TMEM30B: variants seen among roughly 807,000 people sequenced by gnomAD.
TMEM30B encodes the protein cell division cycle 50 P4-ATPase accessory subunit B.
TMEM30B carries 25 observed loss-of-function variants against 27.9 expected under a neutral mutation model. That is an observed-to-expected ratio of 0.89 (90% CI 0.65 to 1.25). The LOEUF (loss-of-function observed/expected upper bound fraction) is 1.25, where lower values mean the gene tolerates loss of function less well. TMEM30B is among the 50% of genes most tolerant of loss of function. TMEM30B has a pLI of 0.00. For synonymous variants in TMEM30B, 248 were observed against 238.5 expected, an observed-to-expected ratio of 1.04 and a Z score of -0.37; for missense variants, 536 against 506.5, an observed-to-expected ratio of 1.06 and a Z score of -0.56.
In TMEM30B at chr14:61,279,877, G is replaced by A. The variant is rs1026435846; in HGVS notation, c.*215C>T. 1.7e-6 allele frequency: 1 copy of A among 572,474 alleles called. No individual in the cohort carries two copies. Among genetic ancestry groups the A allele is most frequent in the Admixed American group, 3.2e-5 (1 of 31,662 alleles). The allele number at this position is 572,474 out of a possible 1,614,324, so 35.5% of individuals were successfully genotyped here. On this transcript the variant is annotated 3_prime_UTR_variant, in exon 1 of 1. Coordinates refer to ENST00000555868, the MANE Select transcript of TMEM30B (RefSeq NM_001017970.3). ...GAAGGAGGTGGGAAGAGTTTGCAAG[G>A]ATGTTTCACTCTGCAGTCAACATCC... is the stretch of plus-strand genomic sequence containing the variant.
chr14:61,280,845 G>A lies in TMEM30B; in HGVS notation c.303C>T (p.Pro101=), dbSNP rs768045964. The change falls in exon 1 of 1, where the codon CCC becomes CCT. Residue 101 remains proline (P), a synonymous_variant. Transcript: ENST00000555868. The surrounding 1 kb of genome is among the most constrained non-coding windows in gnomAD (Gnocchi z 5.0). ...GGTACACTGGGCCCTGGAAGAGCTC[G>A]GGCAGCGAGAAGTACCAGGCGCACG... ...PCSCAWYFSL[P]ELFQGPVYLY... The A allele has an allele frequency of 6.4e-7, 1 of 1,565,774 alleles. No individual in the cohort carries two copies. Among genetic ancestry groups the A allele is most frequent in the Non-Finnish European group, 8.6e-7 (1 of 1,164,068 alleles).
chr14:61,281,084 G>T lies in TMEM30B; in HGVS notation c.64C>A (p.Arg22Ser). The T allele has an allele frequency of 6.6e-7, 1 of 1,512,358 alleles. No individual in the cohort carries two copies. Among genetic ancestry groups the T allele is most frequent in the Non-Finnish European group, 8.8e-7 (1 of 1,134,516 alleles). The allele number at this position is 1,512,358 out of a possible 1,614,324, so 93.7% of individuals were successfully genotyped here. Residue 22 changes from arginine to serine, a missense_variant, in exon 1 of 1, where the codon CGC becomes AGC. Arg to Ser is a moderately radical substitution (Grantham distance 110). Coordinates refer to ENST00000555868, the MANE Select transcript of TMEM30B (RefSeq NM_001017970.3). ...AGCAGCGGCTGCCAGGCGGGGAGGC[G>T]CTGCTGAGTGAAGGCGGTGTTGTCG... The part of the protein sequence containing the change: ...QPDNTAFTQQ[R>S]LPAWQPLLSA...
chr14:61,280,847 G>A lies in TMEM30B; in HGVS notation c.301C>T (p.Pro101Ser), dbSNP rs551001117. The change falls in exon 1 of 1, where the codon CCC (proline) becomes TCC (serine). Residue 101 changes from proline (P) to serine (S), a missense_variant. Coordinates refer to ENST00000555868, the MANE Select transcript of TMEM30B (RefSeq NM_001017970.3). This position sits in a 1 kb window ranked among gnomAD's most constrained non-coding sequence, Gnocchi z 5.0. Reference sequence around the variant, plus strand: ...TACACTGGGCCCTGGAAGAGCTCGGGCAGCGAGAAGTACCAGGCGCACGAG... The same window carrying A: ...TACACTGGGCCCTGGAAGAGCTCGGACAGCGAGAAGTACCAGGCGCACGAG... ...PCSCAWYFSL[P>S]ELFQGPVYLY... The A allele has an allele frequency of 3.2e-6, 5 of 1,565,598 alleles. No individual in the cohort carries two copies. In the East Asian group the frequency reaches 9.2e-5, roughly 29 times the overall value.
chr14:61,280,871 AGCAGGGGGGCGGCAGCGCCCGGCC>A lies in TMEM30B; in HGVS notation c.253_276del (p.Gly85_Cys92del), dbSNP rs1471982465. 10 of 1,566,852 alleles carry A rather than the reference AGCAGGGGGGCGGCAGCGCCCGGCC, an allele frequency of 6.4e-6. No homozygotes were observed. The South Asian group carries it at 1.0e-4, about 16-fold the overall frequency. On this transcript the variant is annotated inframe_deletion, in exon 1 of 1. Coordinates refer to ENST00000555868, the MANE Select transcript of TMEM30B (RefSeq NM_001017970.3). The surrounding 1 kb of genome is among the most constrained non-coding windows in gnomAD (Gnocchi z 5.0). ...GGCAGCGAGAAGTACCAGGCGCACG[AGCAGGGGGGCGGCAGCGCCCGGCC>A]CTGGCCAGCCGCGGCGCACACCGAG... is the stretch of plus-strand genomic sequence containing the variant.
rs1235399124 is a variant in TMEM30B at position 61,279,777 on chromosome 14, G to T, written c.*315C>A. 1.9e-5 allele frequency: 6 copies of T among 322,726 alleles called. No individual in the cohort carries two copies. Among genetic ancestry groups the T allele is most frequent in the Admixed American group, 1.4e-4 (3 of 21,614 alleles). 20.0% of individuals were successfully genotyped at this position (322,726 alleles called of 1,614,324 possible). A position where few individuals can be genotyped will look rare whatever the true frequency, so the allele number is the denominator to read the frequency against. On this transcript the variant is annotated 3_prime_UTR_variant, in exon 1 of 1. Coordinates refer to ENST00000555868, the MANE Select transcript of TMEM30B (RefSeq NM_001017970.3). The stretch of plus-strand genomic sequence containing the variant: ...TCTCTCAATCTCTTCCTCTAATAGG[G>T]GTTTAATAGGAGTCTCCATAGGGAT...
At position 61,281,070 on chromosome 14, in the gene TMEM30B, C is replaced by A; in HGVS notation, c.78G>T (p.Trp26Cys). The A allele has an allele frequency of 6.6e-7, 1 of 1,517,590 alleles. No individual in the cohort carries two copies. The highest frequency in any genetic ancestry group is 8.8e-7 in the Non-Finnish European group (1 of 1,136,692). 94.0% of individuals were successfully genotyped at this position (1,517,590 alleles called of 1,614,324 possible). ...CGATGCTGGCCGACAGCAGCGGCTGCCAGGCGGGGAGGCGCTGCTGAGTGA... is the reference window on the plus strand; with the variant it reads ...CGATGCTGGCCGACAGCAGCGGCTGACAGGCGGGGAGGCGCTGCTGAGTGA... The part of the protein sequence containing the change: ...TAFTQQRLPA[W>C]QPLLSASIAL... Residue 26 changes from tryptophan to cysteine, a missense_variant, in exon 1 of 1, where the codon TGG (tryptophan) becomes TGT (cysteine). By Grantham distance (215) the Trp-to-Cys change is radical (BLOSUM62 -2). Coordinates refer to ENST00000555868, the MANE Select transcript of TMEM30B (RefSeq NM_001017970.3).
chr14:61,281,076 G>A lies in TMEM30B; in HGVS notation c.72C>T (p.Pro24=), dbSNP rs1220637317. Residue 24 remains proline (P), a synonymous_variant, in exon 1 of 1, where the codon CCC becomes CCT. Coordinates refer to ENST00000555868, the MANE Select transcript of TMEM30B (RefSeq NM_001017970.3). ...DNTAFTQQRL[P]AWQPLLSASI... is the part of the protein sequence containing the mutation. ...TGGCCGACAGCAGCGGCTGCCAGGC[G>A]GGGAGGCGCTGCTGAGTGAAGGCGG... 1.3e-6 allele frequency: 2 copies of A among 1,517,460 alleles called. No individual in the cohort carries two copies. Among genetic ancestry groups the A allele is most frequent in the African/African-American group, 1.4e-5 (1 of 70,018 alleles). 94.0% of individuals were successfully genotyped at this position (1,517,460 alleles called of 1,614,324 possible).
Position 61,279,147 on chromosome 14 carries a change from C to T in TMEM30B, c.*945G>A, listed in dbSNP as rs751188257. On this transcript the variant is annotated 3_prime_UTR_variant, in exon 1 of 1. Transcript: ENST00000555868. The stretch of plus-strand genomic sequence containing the variant: ...ACTGTACAAACTGGCCTCACATTTT[C>T]GAGTTTCTACACAGTACCTGGCAAA... The T allele has an allele frequency of 2.0e-5, 3 of 152,164 alleles. No individual in the cohort carries two copies. The highest frequency in any genetic ancestry group is 2.9e-5 in the Non-Finnish European group (2 of 68,040). The allele number at this position is 152,164 out of a possible 1,614,324, so 9.4% of individuals were successfully genotyped here. A position where few individuals can be genotyped will look rare whatever the true frequency, so the allele number is the denominator to read the frequency against.
rs576016680 is a variant in TMEM30B at position 61,277,832 on chromosome 14, T to C, written c.*2260A>G. 1 of 152,344 alleles carries C rather than the reference T, an allele frequency of 6.6e-6. No homozygotes were observed. Among genetic ancestry groups the C allele is most frequent in the South Asian group, 2.1e-4 (1 of 4,832 alleles). 9.4% of individuals were successfully genotyped at this position (152,344 alleles called of 1,614,324 possible). ...AAATTCTGTTTTAGGAAGTTAACAA[T>C]GAATTGAGTTCATTTTAACTGAATG... is the stretch of plus-strand genomic sequence containing the variant. On this transcript the variant is annotated 3_prime_UTR_variant, in exon 1 of 1. Transcript: ENST00000555868.
rs2045243327 is a variant in TMEM30B, at chr14:61,280,126, C to G, written c.1022G>C (p.Arg341Pro). ...TGFVMLVVYI[R>P]YQDQDDDDEE ...GTCGTCGTCGTCCTGGTCCTGGTAG[C>G]GAATGTAGACGACCAGCATGACAAA... The change falls in exon 1 of 1, where the codon CGC (arginine) becomes CCC (proline). Residue 341 changes from arginine to proline, a missense_variant. Transcript: ENST00000555868. This position sits in a 1 kb window ranked among gnomAD's most constrained non-coding sequence, Gnocchi z 5.0. The G allele has an allele frequency of 6.2e-7, 1 of 1,613,352 alleles. No individual in the cohort carries two copies. The highest frequency in any genetic ancestry group is 1.3e-5 in the African/African-American group (1 of 74,880).
At position 61,280,365 on chromosome 14, in the gene TMEM30B, C is replaced by A; in HGVS notation, c.783G>T (p.Thr261=). The change falls in exon 1 of 1, where the codon ACG becomes ACT. Residue 261 remains threonine, a synonymous_variant. Coordinates refer to ENST00000555868, the MANE Select transcript of TMEM30B (RefSeq NM_001017970.3). The surrounding 1 kb of genome is among the most constrained non-coding windows in gnomAD (Gnocchi z 5.0). ...VVWMRTAALP[T]FRKLYARIRQ... ...GGATGCGCGCGTACAGTTTGCGGAA[C>A]GTGGGCAGCGCCGCCGTGCGCATCC... The A allele has an allele frequency of 6.2e-7, 1 of 1,613,982 alleles. No homozygotes were observed. Among genetic ancestry groups the A allele is most frequent in the Non-Finnish European group, 8.5e-7 (1 of 1,179,914 alleles).
rs1170888877 is a variant in TMEM30B, at chr14:61,279,747, C to T, written c.*345G>A. ...GCCTGATCTTTGTTACTTCACATTG[C>T]TAGGTCTCTCAATCTCTTCCTCTAA... is the stretch of plus-strand genomic sequence containing the variant. On this transcript the variant is annotated 3_prime_UTR_variant, in exon 1 of 1. Coordinates refer to ENST00000555868, the MANE Select transcript of TMEM30B (RefSeq NM_001017970.3). The T allele has an allele frequency of 4.3e-6, 1 of 235,246 alleles. No individual in the cohort carries two copies. Among genetic ancestry groups the T allele is most frequent in the Non-Finnish European group, 8.2e-6 (1 of 121,842 alleles). The allele number at this position is 235,246 out of a possible 1,614,324, so 14.6% of individuals were successfully genotyped here.
chr14:61,280,867 C>T lies in TMEM30B; in HGVS notation c.281G>A (p.Cys94Tyr). 1 of 1,567,638 alleles carries T rather than the reference C, an allele frequency of 6.4e-7. No homozygotes were observed. Among genetic ancestry groups the T allele is most frequent in the South Asian group, 1.2e-5 (1 of 85,784 alleles). The change falls in exon 1 of 1, where the codon TGC (cysteine) becomes TAC (tyrosine). Residue 94 changes from cysteine (C) to tyrosine (Y), a missense_variant. Physicochemically the swap from Cys to Tyr is radical, Grantham distance 194. Transcript: ENST00000555868. The surrounding 1 kb of genome is among the most constrained non-coding windows in gnomAD (Gnocchi z 5.0). ...QGRALPPPCS[C>Y]AWYFSLPELF... ...CTCGGGCAGCGAGAAGTACCAGGCG[C>T]ACGAGCAGGGGGGCGGCAGCGCCCG...
Position 61,281,172 on chromosome 14 carries a change from CG to C in TMEM30B, c.-26del. On this transcript the variant is annotated 5_prime_UTR_variant, in exon 1 of 1. Transcript: ENST00000555868. ...TGGCGGCCGCGCGGGGACCGACGCGCGGGCTGACCGAGTGGGGGCCCCGCCG... is the reference window on the plus strand; with the variant it reads ...TGGCGGCCGCGCGGGGACCGACGCGCGGCTGACCGAGTGGGGGCCCCGCCG... The C allele has an allele frequency of 7.8e-7, 1 of 1,284,472 alleles. No individual in the cohort carries two copies. The highest frequency in any genetic ancestry group is 9.9e-7 in the Non-Finnish European group (1 of 1,014,704). The allele number at this position is 1,284,472 out of a possible 1,614,324, so 79.6% of individuals were successfully genotyped here.
In TMEM30B at chr14:61,280,378, G is replaced by C; in HGVS notation, c.770C>G (p.Ala257Gly). The C allele has an allele frequency of 6.2e-7, 1 of 1,613,860 alleles. No homozygotes were observed. The highest frequency in any genetic ancestry group is 2.2e-5 in the East Asian group (1 of 44,882). The change falls in exon 1 of 1, where the codon GCG becomes GGG. Residue 257 changes from alanine to glycine, a missense_variant. By Grantham distance (60) the Ala-to-Gly change is moderately conservative. Transcript: ENST00000555868. This position sits in a 1 kb window ranked among gnomAD's most constrained non-coding sequence, Gnocchi z 5.0. ...CAGTTTGCGGAACGTGGGCAGCGCC[G>C]CCGTGCGCATCCACACCACGAAGTC... Reference protein sequence around the residue: ...NQDFVVWMRTAALPTFRKLYA... With the variant: ...NQDFVVWMRTGALPTFRKLYA...
rs765731527 is a variant in TMEM30B at position 61,280,653 on chromosome 14, G to A, written c.495C>T (p.Ile165=). ...AGGAGTCGTTGAAGAGGCTGTTGGCGATGGCGCCGCAGGGCGCGATGGGCA... is the reference window on the plus strand; with the variant it reads ...AGGAGTCGTTGAAGAGGCTGTTGGCAATGGCGCCGCAGGGCGCGATGGGCA... ...AGLPIAPCGA[I]ANSLFNDSFS... Residue 165 remains isoleucine (I), a synonymous_variant, in exon 1 of 1, where the codon ATC becomes ATT. Coordinates refer to ENST00000555868, the MANE Select transcript of TMEM30B (RefSeq NM_001017970.3). The surrounding 1 kb of genome is among the most constrained non-coding windows in gnomAD (Gnocchi z 5.0). 7 of 1,571,464 alleles carry A rather than the reference G, an allele frequency of 4.5e-6. No individual in the cohort carries two copies. The African/African-American group carries it at 6.8e-5, about 15-fold the overall frequency.
chr14:61,280,928 C>T lies in TMEM30B; in HGVS notation c.220G>A (p.Gly74Ser), dbSNP rs2045257604. 1 of 1,538,764 alleles carries T rather than the reference C, an allele frequency of 6.5e-7. No individual in the cohort carries two copies. Among genetic ancestry groups the T allele is most frequent in the Non-Finnish European group, 8.7e-7 (1 of 1,146,532 alleles). ...EYDYTGDPGT[G>S]NCSVCAAAGQ... ...GCCGCGGCGCACACCGAGCAGTTAC[C>T]GGTGCCCGGGTCGCCTGTATAGTCG... is the stretch of plus-strand genomic sequence containing the variant. The change falls in exon 1 of 1, where the codon GGT becomes AGT. Residue 74 changes from glycine to serine, a missense_variant. Coordinates refer to ENST00000555868, the MANE Select transcript of TMEM30B (RefSeq NM_001017970.3). This position sits in a 1 kb window ranked among gnomAD's most constrained non-coding sequence, Gnocchi z 5.0.
Position 61,280,668 on chromosome 14 carries a change from C to T in TMEM30B, c.480G>A (p.Ala160=). 1 of 1,572,316 alleles carries T rather than the reference C, an allele frequency of 6.4e-7. No individual in the cohort carries two copies. Among genetic ancestry groups the T allele is most frequent in the Non-Finnish European group, 8.6e-7 (1 of 1,160,484 alleles). ...YQRSAAGLPI[A]PCGAIANSLF... ...GGCTGTTGGCGATGGCGCCGCAGGG[C>T]GCGATGGGCAGGCCGGCCGCGCTGC... Residue 160 remains alanine, a synonymous_variant, in exon 1 of 1, where the codon GCG becomes GCA. Transcript: ENST00000555868. The surrounding 1 kb of genome is among the most constrained non-coding windows in gnomAD (Gnocchi z 5.0).
Position 61,279,011 on chromosome 14 carries a change from AC to A in TMEM30B, c.*1080del, listed in dbSNP as rs1296433256. 1 of 150,894 alleles carries A rather than the reference AC, an allele frequency of 6.6e-6. No individual in the cohort carries two copies. Among genetic ancestry groups the A allele is most frequent in the South Asian group, 2.1e-4 (1 of 4,748 alleles). 9.3% of individuals were successfully genotyped at this position (150,894 alleles called of 1,614,324 possible). A position where few individuals can be genotyped will look rare whatever the true frequency, so the allele number is the denominator to read the frequency against. ...CACACACACACACACACACACACAC[AC>A]AATGACAAAGAACACTGAGCTAGGA... is the stretch of plus-strand genomic sequence containing the variant. On this transcript the variant is annotated 3_prime_UTR_variant, in exon 1 of 1. Coordinates refer to ENST00000555868, the MANE Select transcript of TMEM30B (RefSeq NM_001017970.3).
Sources: gnomAD v4.1 joint callset for allele counts on GRCh38, gnomAD v4.1.1 for gene constraint, Gnocchi (gnomAD v3.1) non-coding constraint, MANE v1.5 for transcripts, NCBI Gene and HGNC (gene_info 2026-07-23, HGNC 2026-07-21) for gene names.